LINS1: variants seen among roughly 807,000 people sequenced by gnomAD.
The protein encoded by LINS1 is lines homolog 1, also known as protein Lines homolog 1.
Under a neutral mutation model 41.6 loss-of-function variants are expected in LINS1, and 27 were observed. The ratio of observed to expected loss-of-function variants is 0.65; its 90% confidence interval spans 0.48 to 0.89. The LOEUF is 0.89. Ranked by LOEUF, LINS1 falls within the 40% of genes least tolerant of loss-of-function variation. The probability of loss-of-function intolerance (pLI) is 0.00; values close to 1 mark genes in which losing one functional copy is unlikely to be tolerated. For synonymous variants in LINS1, 336 were observed against 312.9 expected (o/e 1.07, Z -0.78); for missense variants, 955 against 884.1 (o/e 1.08, Z -1.02).
Position 100,580,766 on chromosome 15 carries a change from T to A in LINS1, c.77A>T (p.His26Leu). The A allele has an allele frequency of 6.2e-7, 1 of 1,609,816 alleles. No homozygotes were observed. The highest frequency in any genetic ancestry group is 8.5e-7 in the Non-Finnish European group (1 of 1,176,860). Residue 26 changes from histidine to leucine, a missense_variant, in exon 2 of 7, where the codon CAT becomes CTT. Coordinates refer to ENST00000314742, the MANE Select transcript of LINS1 (RefSeq NM_001040616.3). The stretch of plus-strand genomic sequence containing the variant: ...TGGGTTGAGATAAAAGATGTAATCA[T>A]GGCTGTCATTTTCAAGTGTGGCTCC... Reference protein sequence around the residue: ...LLGATLENDSHDYIFYLNPAV... With the variant: ...LLGATLENDSLDYIFYLNPAV...
At chr15:100,583,591 G>A (rs1446078717) in intron 1 of LINS1, among the ~76,000 whole-genome samples, 1 of 152,178 alleles carries the variant, frequency 6.6e-6, no homozygotes, top group Admixed American at 6.5e-5. Flanking sequence ...GGCCAGAATG[G>A]AAAAGCACCA....
At chr15:100,571,179 C>T (rs899765115) in intron 6 of LINS1, among the ~76,000 whole-genome samples, 3 of 152,170 alleles carry the variant, frequency 2.0e-5, no homozygotes, top group Non-Finnish European at 4.4e-5. Flanking sequence ...CAAGTAAGTA[C>T]TGGCGGCACA....
At position 100,580,350 on chromosome 15, in the gene LINS1, G is replaced by C; in HGVS notation, c.402C>G (p.Ile134Met). Residue 134 changes from isoleucine (I) to methionine (M), a missense_variant and splice_region_variant, in exon 3 of 7, where the codon ATC becomes ATG. Physicochemically the swap from Ile to Met is conservative, Grantham distance 10 (BLOSUM62 1). Transcript: ENST00000314742. Reference protein sequence around the residue: ...LESAKVDSKLICMFQNSDKLL... With the variant: ...LESAKVDSKLMCMFQNSDKLL... ...ATTTATCTGAATTTTGGAACATGCAGATCTACAGGAAAACAAATATAATTA... is the reference window on the plus strand; with the variant it reads ...ATTTATCTGAATTTTGGAACATGCACATCTACAGGAAAACAAATATAATTA... The C allele has an allele frequency of 1.9e-6, 3 of 1,611,868 alleles. No homozygotes were observed. Among genetic ancestry groups the C allele is most frequent in the Non-Finnish European group, 2.5e-6 (3 of 1,178,278 alleles).
chr15:100,599,616 T>G (rs1017226379), intron 1 of LINS1, among the ~76,000 whole-genome samples: 1 of 152,238 alleles, frequency 6.6e-6, no homozygotes, highest in Non-Finnish European at 1.5e-5. Flanking sequence ...GTGCCGAGTC[T>G]GCTATAAGAA....
Position 100,572,029 on chromosome 15 carries a change from A to G in LINS1, c.1259T>C (p.Phe420Ser). The change falls in exon 6 of 7, where the codon TTC becomes TCC. Residue 420 changes from phenylalanine (F) to serine (S), a missense_variant. Transcript: ENST00000314742. ...AGAGGGCTGAAGATGAGGCTTTAAGAAGGTCAGTAACTCAGACATGAACCT... is the reference window on the plus strand; with the variant it reads ...AGAGGGCTGAAGATGAGGCTTTAAGGAGGTCAGTAACTCAGACATGAACCT... Reference protein sequence around the residue: ...LQRFMSELLTFLKPHLQPSLQ... With the variant: ...LQRFMSELLTSLKPHLQPSLQ... The G allele has an allele frequency of 1.2e-6, 2 of 1,614,226 alleles. No homozygotes were observed. Among genetic ancestry groups the G allele is most frequent in the Non-Finnish European group, 1.7e-6 (2 of 1,180,028 alleles).
rs770072112 is a variant in LINS1 at position 100,580,607 on chromosome 15, T to G, written c.236A>C (p.Asn79Thr). The change falls in exon 2 of 7, where the codon AAC becomes ACC. Residue 79 changes from asparagine to threonine, a missense_variant. By Grantham distance (65) the Asn-to-Thr change is moderately conservative (BLOSUM62 0). Transcript: ENST00000314742. ...TTCTCTGGAACCGCTCATCTGAGAG[T>G]TGGTCTTCAAACACACAGGTGCTAC... ...IAVAPVCLKT[N>T]SQMSGSREVM... 1 of 1,613,916 alleles carries G rather than the reference T, an allele frequency of 6.2e-7. No individual in the cohort carries two copies. The highest frequency in any genetic ancestry group is 8.5e-7 in the Non-Finnish European group (1 of 1,179,944).
At chr15:100,599,012 C>G (rs2039361654) in intron 1 of LINS1, among the ~76,000 whole-genome samples, 1 of 152,208 alleles carries the variant, frequency 6.6e-6, no homozygotes, top group Admixed American at 6.5e-5. Flanking sequence ...CCCTAGAGAC[C>G]AGCTAAATCA....
intron 1 of LINS1, among the ~76,000 whole-genome samples, chr15:100,583,578 G>A (rs773773087): frequency 1.8e-4 from 28 of 152,174 alleles, no homozygotes; most frequent in Non-Finnish European, 4.0e-4. Flanking sequence ...CGTGCTCTCA[G>A]AAGGCCAGAA....
In LINS1 at chr15:100,568,205, C is replaced by T. The variant is rs1410870337; in HGVS notation, c.*1033G>A. On this transcript the variant is annotated 3_prime_UTR_variant, in exon 7 of 7. Coordinates refer to ENST00000314742, the MANE Select transcript of LINS1 (RefSeq NM_001040616.3). ...CAGTAGGCCAGGTATAATCACTTCTCAAAGAAACGGCTAAGATTTTACATT... is the reference window on the plus strand; with the variant it reads ...CAGTAGGCCAGGTATAATCACTTCTTAAAGAAACGGCTAAGATTTTACATT... The T allele has an allele frequency of 6.6e-6, 1 of 152,068 alleles. No homozygotes were observed. The highest frequency in any genetic ancestry group is 1.5e-5 in the Non-Finnish European group (1 of 68,010). 9.4% of individuals were successfully genotyped at this position (152,068 alleles called of 1,614,324 possible). A position where few individuals can be genotyped will look rare whatever the true frequency, so the allele number is the denominator to read the frequency against.
intron 1 of LINS1, chr15:100,597,063 C>T (rs927955275): frequency 6.6e-6 from 1 of 152,218 alleles, no homozygotes; most frequent in Non-Finnish European, 1.5e-5. Context: ...CGAGCCCTGA[C>T]CACATTACAC....
chr15:100,579,049 T>C (rs1167584595), intron 3 of LINS1, among the ~76,000 whole-genome samples: 1 of 151,970 alleles, frequency 6.6e-6, no homozygotes, highest in African/African-American at 2.4e-5. Context: ...GGGGAAGGGA[T>C]AGCATTAGGA....
At position 100,568,501 on chromosome 15, in the gene LINS1, G is replaced by A. The variant is rs923095380; in HGVS notation, c.*737C>T. ...GGAGTGACGCCACTACAAGACAAGG[G>A]ACACCATGGCTGGCTGGCTGCCACC... On this transcript the variant is annotated 3_prime_UTR_variant, in exon 7 of 7. Coordinates refer to ENST00000314742, the MANE Select transcript of LINS1 (RefSeq NM_001040616.3). The A allele has an allele frequency of 6.6e-6, 1 of 152,396 alleles. No homozygotes were observed. The highest frequency in any genetic ancestry group is 2.4e-5 in the African/African-American group (1 of 41,458). 9.4% of individuals were successfully genotyped at this position (152,396 alleles called of 1,614,324 possible). A position where few individuals can be genotyped will look rare whatever the true frequency, so the allele number is the denominator to read the frequency against.
At chr15:100,600,493 A>G (rs549888660) in intron 1 of LINS1, among the ~76,000 whole-genome samples, 39 of 150,708 alleles carry the variant, frequency 2.6e-4, no homozygotes, top group African/African-American at 9.6e-4. Context: ...TTCATTTAAC[A>G]ATACTAATAA....
rs8029616 is a variant in LINS1 at position 100,567,223 on chromosome 15, G to C, written c.*2015C>G. On this transcript the variant is annotated 3_prime_UTR_variant, in exon 7 of 7. Transcript: ENST00000314742. ...GTAGGCAACTGTAACACAATAGTAA[G>C]TATGCGTGTATCTAAACATGCCTAA... The C allele has an allele frequency of 0.36, 55,151 of 152,088 alleles. 11,037 individuals carry two copies. Among genetic ancestry groups the C allele is most frequent in the Non-Finnish European group, 0.47 (31,867 of 67,970 alleles). The allele number at this position is 152,088 out of a possible 1,614,324, so 9.4% of individuals were successfully genotyped here.
Position 100,570,058 on chromosome 15 carries a change from T to C in LINS1, c.1454A>G (p.His485Arg), listed in dbSNP as rs1489391745. The change falls in exon 7 of 7, where the codon CAT becomes CGT. Residue 485 changes from histidine to arginine, a missense_variant. By Grantham distance (29) the His-to-Arg change is conservative (BLOSUM62 0). Transcript: ENST00000314742. The stretch of plus-strand genomic sequence containing the variant: ...ACAGTGAGGATTATAGCCATTTTCA[T>C]GTGTGTGATGGTCCCACATTTCTTT... ...QGKEMWDHHT[H>R]ENGYNPHCIF... 1.3e-6 allele frequency: 2 copies of C among 1,570,276 alleles called. No homozygotes were observed. Among genetic ancestry groups the C allele is most frequent in the Admixed American group, 1.9e-5 (1 of 53,786 alleles).
Position 100,569,994 on chromosome 15 carries a change from G to A in LINS1, c.1518C>T (p.Ser506=), listed in dbSNP as rs1375453797. The part of the protein sequence containing the change: ...LFFLKNIGFD[S]TVLLDFLISS... ...AAATCAAAAAGTCAAGAAGAACTGT[G>A]GAATCAAATCCTATATTTTTCAAGA... is the stretch of plus-strand genomic sequence containing the variant. Residue 506 remains serine, a synonymous_variant, in exon 7 of 7, where the codon TCC becomes TCT. Coordinates refer to ENST00000314742, the MANE Select transcript of LINS1 (RefSeq NM_001040616.3). 1.3e-6 allele frequency: 2 copies of A among 1,562,408 alleles called. No homozygotes were observed. Among genetic ancestry groups the A allele is most frequent in the African/African-American group, 2.7e-5 (2 of 72,970 alleles).
rs1281981526 is a variant in LINS1 at position 100,579,233 on chromosome 15, CAA to C, written c.489+1028_489+1029del. ...AATAAAAATGAGCCAGTGATAACCA[CAA>C]AAAAACCATGTCTTGGTAAAAAGAT... On this transcript the variant is annotated intron_variant, in intron 3 of 6. Coordinates refer to ENST00000314742, the MANE Select transcript of LINS1 (RefSeq NM_001040616.3). 2.0e-5 allele frequency among the ~76,000 whole-genome samples: 3 copies of C among 150,052 alleles called. No homozygotes were observed. In the East Asian group the frequency reaches 5.9e-4, roughly 29 times the overall value.
At position 100,580,540 on chromosome 15, in the gene LINS1, G is replaced by C. The variant is rs763399768; in HGVS notation, c.303C>G (p.Thr101=). ...ACTCGGTTTTGACAGACAATATCCGGGTTGTCATCACTTTGATCACTGTTA... is the reference window on the plus strand; with the variant it reads ...ACTCGGTTTTGACAGACAATATCCGCGTTGTCATCACTTTGATCACTGTTA... ...LQLTVIKVMT[T]RILSVKTEFH... Residue 101 remains threonine (T), a synonymous_variant, in exon 2 of 7, where the codon ACC becomes ACG. Coordinates refer to ENST00000314742, the MANE Select transcript of LINS1 (RefSeq NM_001040616.3). 9 of 1,613,874 alleles carry C rather than the reference G, an allele frequency of 5.6e-6. No homozygotes were observed. Among genetic ancestry groups the C allele is most frequent in the Non-Finnish European group, 7.6e-6 (9 of 1,179,888 alleles).
intron 3 of LINS1, among the ~76,000 whole-genome samples, chr15:100,577,945 T>C (rs909292070): frequency 1.3e-5 from 2 of 152,160 alleles, no homozygotes; most frequent in Non-Finnish European, 2.9e-5. Flanking sequence ...ATTTAACAAA[T>C]GGTGCTGGGA....
Sources: gnomAD v4.1 joint callset for allele counts (sites outside exome capture counted in the v4.1 genomes callset) on GRCh38, gnomAD v4.1.1 for gene constraint, MANE v1.5 for transcripts, NCBI Gene and HGNC (gene_info 2026-07-23, HGNC 2026-07-21) for gene names.